LMNB2: variants seen among roughly 807,000 people sequenced by gnomAD.
The protein encoded by LMNB2 is lamin-B2.
In LMNB2, 17 loss-of-function variants were observed where a neutral mutation model predicts 69.3. The observed-to-expected ratio is 0.25, with a 90% CI of 0.17 to 0.37. LMNB2 has a LOEUF of 0.37. Ranked by LOEUF, LMNB2 falls within the 10% of genes least tolerant of loss-of-function variation. The pLI is 1.00. For missense variants in LMNB2, 789 were observed against 883.6 expected, an observed-to-expected ratio of 0.89 and a Z score of 1.36; for synonymous variants, 397 against 389.3, an observed-to-expected ratio of 1.02 and a Z score of -0.23.
intron 1 of LMNB2, among the ~76,000 whole-genome samples, chr19:2,454,540 G>C (rs1412986909): frequency 6.6e-6 from 1 of 152,080 alleles, no homozygotes; most frequent in Non-Finnish European, 1.5e-5. Flanking sequence ...GAGGGTAAGC[G>C]ACTAGCCCAA....
chr19:2,456,629 C>A, intron 1 of LMNB2, 41 bp downstream of exon 1: 1 of 1,433,004 alleles, frequency 7.0e-7, no homozygotes, highest in Non-Finnish European at 9.2e-7. Flanking sequence ...GCGGGGCCTG[C>A]CGGCTGCACC....
chr19:2,441,769 G>T (rs146283067), intron 2 of LMNB2, among the ~76,000 whole-genome samples: 2,118 of 152,350 alleles, frequency 0.014, 27 homozygotes, highest in Middle Eastern at 0.044. Context: ...GACAACCCTG[G>T]GGGCAGAGAC....
Position 2,428,220 on chromosome 19 carries a change from G to A in LMNB2, c.*2691C>T, listed in dbSNP as rs1252825086. The stretch of plus-strand genomic sequence containing the variant: ...ACAAAAAAGTTTCCAGTCATAAAAT[G>A]TATATTACAAATCATTGGAAAAAAA... On this transcript the variant is annotated 3_prime_UTR_variant, in exon 12 of 12. Transcript: ENST00000325327. The A allele has an allele frequency of 6.6e-6, 1 of 151,164 alleles. No homozygotes were observed. The highest frequency in any genetic ancestry group is 2.5e-5 in the African/African-American group (1 of 40,814). 9.4% of individuals were successfully genotyped at this position (151,164 alleles called of 1,614,324 possible).
intron 10 of LMNB2, 31 bp from the exon 11 acceptor site, chr19:2,431,689 C>T (rs200972975): frequency 5.0e-5 from 81 of 1,613,964 alleles, no homozygotes; most frequent in Admixed American, 1.3e-4. Flanking sequence ...CGGCATGTCC[C>T]GGGATCGGGC....
intron 1 of LMNB2, among the ~76,000 whole-genome samples, chr19:2,448,954 A>G (rs1033743630): frequency 6.6e-6 from 1 of 152,200 alleles, no homozygotes; most frequent in Non-Finnish European, 1.5e-5. Flanking sequence ...CAATGCCGCA[A>G]TCACAGCTCA....
chr19:2,434,566 C>T (rs763248744), intron 6 of LMNB2, 51 bp from the exon 7 acceptor site: 2 of 1,581,526 alleles, frequency 1.3e-6, no homozygotes, highest in South Asian at 1.1e-5. Flanking sequence ...GGTCACAAGG[C>T]CCAGGTGATC....
chr19:2,436,269 C>G (rs1054744233), intron 4 of LMNB2, among the ~76,000 whole-genome samples: 1 of 152,218 alleles, frequency 6.6e-6, no homozygotes, highest in Non-Finnish European at 1.5e-5. Flanking sequence ...GGTGACAGAG[C>G]AAGACTCCGT....
rs1971692156 is a variant in LMNB2 at position 2,428,516 on chromosome 19, C to T, written c.*2395G>A. ...TGCATGATCGGATTCTGGGTCAGCC[C>T]GCAGGCCTCCCGGCTCCTGGGCTCA... On this transcript the variant is annotated 3_prime_UTR_variant, in exon 12 of 12. Coordinates refer to ENST00000325327, the MANE Select transcript of LMNB2 (RefSeq NM_032737.4). 1 of 152,398 alleles carries T rather than the reference C, an allele frequency of 6.6e-6. No homozygotes were observed. Among genetic ancestry groups the T allele is most frequent in the Admixed American group, 6.5e-5 (1 of 15,300 alleles). 9.4% of individuals were successfully genotyped at this position (152,398 alleles called of 1,614,324 possible).
rs1971920962 is a variant in LMNB2 at position 2,443,527 on chromosome 19, T to G, written c.401+877A>C. On this transcript the variant is annotated intron_variant, in intron 2 of 11. Transcript: ENST00000325327. This position sits in a 1 kb window ranked among gnomAD's most constrained non-coding sequence, Gnocchi z 6.2. ...CCCCTCCTGCCAGCAGATCCCTCCATGCTGAGCCAGGCCTGCGTGGCTCTG... is the reference window on the plus strand; with the variant it reads ...CCCCTCCTGCCAGCAGATCCCTCCAGGCTGAGCCAGGCCTGCGTGGCTCTG... 6.6e-6 allele frequency among the ~76,000 whole-genome samples: 1 copy of G among 152,098 alleles called. No individual in the cohort carries two copies. The highest frequency in any genetic ancestry group is 2.4e-5 in the African/African-American group (1 of 41,426).
At position 2,454,160 on chromosome 19, in the gene LMNB2, G is replaced by A. The variant is rs139320491; in HGVS notation, c.264+2510C>T. On this transcript the variant is annotated intron_variant, in intron 1 of 11. Transcript: ENST00000325327. ...ATACAAAAATGAGCCGGGCATGGTG[G>A]TGAACACCTGTAATCCCAGCTACTC... 3.5e-3 allele frequency among the ~76,000 whole-genome samples: 534 copies of A among 152,158 alleles called. 3 individuals carry two copies. The highest frequency in any genetic ancestry group is 0.012 in the African/African-American group (507 of 41,510).
Position 2,428,702 on chromosome 19 carries a change from T to C in LMNB2, c.*2209A>G, listed in dbSNP as rs910222316. On this transcript the variant is annotated 3_prime_UTR_variant, in exon 12 of 12. Transcript: ENST00000325327. ...CACGGGCTTACACAGAGGGATGGTT[T>C]CGCATCGTTCTAAGCGGCACACAGC... 1 of 152,266 alleles carries C rather than the reference T, an allele frequency of 6.6e-6. No homozygotes were observed. Among genetic ancestry groups the C allele is most frequent in the African/African-American group, 2.4e-5 (1 of 41,470 alleles). The allele number at this position is 152,266 out of a possible 1,614,324, so 9.4% of individuals were successfully genotyped here.
Position 2,453,638 on chromosome 19 carries a change from G to C in LMNB2, c.264+3032C>G, listed in dbSNP as rs543831218. 8.5e-5 allele frequency among the ~76,000 whole-genome samples: 13 copies of C among 152,296 alleles called. No homozygotes were observed. Among genetic ancestry groups the C allele is most frequent in the Admixed American group, 2.6e-4 (4 of 15,292 alleles). On this transcript the variant is annotated intron_variant, in intron 1 of 11. Coordinates refer to ENST00000325327, the MANE Select transcript of LMNB2 (RefSeq NM_032737.4). This position sits in a 1 kb window ranked among gnomAD's most constrained non-coding sequence, Gnocchi z 4.4. ...CTGCTAAATGGCTGCCTTCACTGGA[G>C]TCAGACCCGCATTTCACCCAGCCTG...
intron 9 of LMNB2, 139 bp from the exon 10 acceptor site, chr19:2,432,041 G>A (rs1244606867): frequency 5.3e-6 from 6 of 1,133,372 alleles, no homozygotes; most frequent in Non-Finnish European, 7.4e-6. Context: ...CTTATCCAGG[G>A]TGATGGTCCC....
rs773716947 is a variant in LMNB2 at position 2,438,304 on chromosome 19, C to T, written c.559-16G>A. On this transcript the variant is annotated splice_polypyrimidine_tract_variant and intron_variant, in intron 3 of 11. Transcript: ENST00000325327. ...CGTCCTCGGCCTGGGAGACACAGGA[C>T]AGCGAGCTGGTGTGACAATCTGTCT... The T allele has an allele frequency of 1.1e-5, 17 of 1,613,894 alleles. No individual in the cohort carries two copies. Among genetic ancestry groups the T allele is most frequent in the Non-Finnish European group, 1.4e-5 (17 of 1,180,028 alleles).
rs1314976542 is a variant in LMNB2 at position 2,429,699 on chromosome 19, C to A, written c.*1212G>T. On this transcript the variant is annotated 3_prime_UTR_variant, in exon 12 of 12. Transcript: ENST00000325327. Reference sequence around the variant, plus strand: ...GTCGGAGGGTGCCCCAGCCCCACGCCACCCCGGGGAGGAGGGTCAGCCTGT... The same window carrying A: ...GTCGGAGGGTGCCCCAGCCCCACGCAACCCCGGGGAGGAGGGTCAGCCTGT... The A allele has an allele frequency of 6.6e-6, 1 of 152,418 alleles. No homozygotes were observed. The highest frequency in any genetic ancestry group is 2.4e-5 in the African/African-American group (1 of 41,450). 9.4% of individuals were successfully genotyped at this position (152,418 alleles called of 1,614,324 possible).
At position 2,453,455 on chromosome 19, in the gene LMNB2, C is replaced by T. The variant is rs1972052544; in HGVS notation, c.264+3215G>A. 1.3e-5 allele frequency among the ~76,000 whole-genome samples: 2 copies of T among 151,942 alleles called. No homozygotes were observed. The highest frequency in any genetic ancestry group is 4.2e-4 in the South Asian group (2 of 4,818). ...CTCCATGTGGGCCCACATGACGTCC[C>T]CCCACCAGCGGCCCCCACCCCAGCA... On this transcript the variant is annotated intron_variant, in intron 1 of 11. Coordinates refer to ENST00000325327, the MANE Select transcript of LMNB2 (RefSeq NM_032737.4). This position sits in a 1 kb window ranked among gnomAD's most constrained non-coding sequence, Gnocchi z 4.4.
intron 4 of LMNB2, among the ~76,000 whole-genome samples, chr19:2,437,799 C>CAAAAAAAAAAAAAAAA (rs59867677): frequency 3.6e-5 from 5 of 138,620 alleles, no homozygotes; most frequent in African/African-American, 8.7e-5. Flanking sequence ...AACTCCATCT[C>CAAAAAAAAAAAAAAAA]AAAAAAAGAC....
intron 1 of LMNB2, among the ~76,000 whole-genome samples, chr19:2,448,823 G>A (rs1971988444): frequency 6.6e-6 from 1 of 152,154 alleles, no homozygotes; most frequent in African/African-American, 2.4e-5. Context: ...ACTCCAGCCT[G>A]GCGACAGCCA....
At chr19:2,439,035 CTTTTTTTTTTTTTTTT>C (rs397945879) in intron 2 of LMNB2, among the ~76,000 whole-genome samples, 5 of 65,712 alleles carry the variant, frequency 7.6e-5, no homozygotes, top group East Asian at 5.9e-4. Flanking sequence ...GGCACTTAAG[CTTTTTTTTTTTTTTTT>C]TTTTTTTTTT....
Sources: gnomAD v4.1 joint callset for allele counts (sites outside exome capture counted in the v4.1 genomes callset) on GRCh38, gnomAD v4.1.1 for gene constraint, Gnocchi (gnomAD v3.1) non-coding constraint, MANE v1.5 for transcripts, NCBI Gene and HGNC (gene_info 2026-07-23, HGNC 2026-07-21) for gene names.